EPHA6: variants seen among roughly 807,000 people sequenced by gnomAD.
EPHA6 encodes ephrin type-A receptor 6.
Under a neutral mutation model 112.0 loss-of-function variants are expected in EPHA6, and 50 were observed. That is an observed-to-expected ratio of 0.45 (90% CI 0.36 to 0.56). The LOEUF is 0.56. Ranked by LOEUF, EPHA6 falls within the 20% of genes least tolerant of loss-of-function variation. The pLI, the probability that EPHA6 is intolerant of heterozygous loss-of-function variation, is 0.00. For missense variants in EPHA6, 1,280 were observed against 1,417.4 expected (o/e 0.90, Z 1.56); for synonymous variants, 529 against 490.7 (o/e 1.08, Z -1.03).
chr3:97,254,931 G>A (rs1399051383), intron 5 of EPHA6, among the ~76,000 whole-genome samples: 1 of 152,148 alleles, frequency 6.6e-6, no homozygotes, highest in Non-Finnish European at 1.5e-5. Context: ...TTTGTAGACA[G>A]GAACACCATC....
chr3:97,569,916 G>A (rs1257140176), intron 11 of EPHA6: 1 of 152,096 alleles, frequency 6.6e-6, no homozygotes, highest in Non-Finnish European at 1.5e-5. Flanking sequence ...TTTTCTCTCT[G>A]TGTATAGGAT....
chr3:97,304,227 C>T (rs1209951160), intron 5 of EPHA6, among the ~76,000 whole-genome samples: 1 of 151,680 alleles, frequency 6.6e-6, no homozygotes, highest in Admixed American at 6.6e-5. Flanking sequence ...TATTTGAATA[C>T]CCTTTATCTC....
intron 3 of EPHA6, among the ~76,000 whole-genome samples, chr3:97,067,091 A>C (rs1467435915): frequency 6.6e-6 from 1 of 152,122 alleles, no homozygotes; most frequent in Non-Finnish European, 1.5e-5. Context: ...TTATTTTGTA[A>C]GCCTTTTCCC....
Position 97,708,839 on chromosome 3 carries a change from A to T in EPHA6, c.2785-11422A>T, listed in dbSNP as rs187962739. On this transcript the variant is annotated intron_variant, in intron 14 of 17. Coordinates refer to ENST00000389672, the MANE Select transcript of EPHA6 (RefSeq NM_001080448.3). ...AAGGTACAGCTCGGGCCATTGCTTC[A>T]GAGGGTGCAAGCGTCAGGCCTTGGT... is the stretch of plus-strand genomic sequence containing the variant. 5.3e-5 allele frequency among the ~76,000 whole-genome samples: 8 copies of T among 152,346 alleles called. No homozygotes were observed. The East Asian group carries it at 1.5e-3, about 29-fold the overall frequency.
At chr3:96,874,278 A>G (rs192374176) in intron 2 of EPHA6, among the ~76,000 whole-genome samples, 4 of 152,288 alleles carry the variant, frequency 2.6e-5, no homozygotes, top group South Asian at 2.1e-4. Context: ...AGGATGCTTA[A>G]TTATTCACAA....
chr3:97,094,011 G>GCTAAGTCATGGCCAGATGATCCT (rs2047158373), intron 3 of EPHA6, among the ~76,000 whole-genome samples: 1 of 152,038 alleles, frequency 6.6e-6, no homozygotes, highest in South Asian at 2.1e-4. Flanking sequence ...TCTGGGATTG[G>GCTAAGTCATGGCCAGATGATCCT]CTAAGTCATG....
chr3:97,746,978 A>C (rs562770301), intron 16 of EPHA6, among the ~76,000 whole-genome samples: 1 of 152,046 alleles, frequency 6.6e-6, no homozygotes, highest in East Asian at 1.9e-4. Context: ...AGAAAAGGAC[A>C]TGGATTCAGG....
intron 3 of EPHA6, among the ~76,000 whole-genome samples, chr3:97,162,673 A>G (rs185170044): frequency 5.9e-5 from 9 of 152,140 alleles, no homozygotes; most frequent in Admixed American, 5.9e-4. Context: ...AACAGTGTAA[A>G]TTTTTGGCAG....
At chr3:97,548,457 C>A (rs1577734749) in intron 11 of EPHA6, among the ~76,000 whole-genome samples, 1 of 152,218 alleles carries the variant, frequency 6.6e-6, no homozygotes. Context: ...TTAGGCTTTG[C>A]AAATATCCTA....
chr3:97,569,596 T>G (rs1414703289), intron 11 of EPHA6, among the ~76,000 whole-genome samples: 1 of 152,198 alleles, frequency 6.6e-6, no homozygotes, highest in African/African-American at 2.4e-5. Context: ...TATATTTATA[T>G]TATGAAAATT....
chr3:97,736,159 A>T (rs761874614), intron 16 of EPHA6, 41 bp downstream of exon 16: 4 of 1,540,742 alleles, frequency 2.6e-6, no homozygotes, highest in Non-Finnish European at 3.5e-6. Context: ...CTTGACAATT[A>T]TGGTTTCTTT....
At chr3:96,835,430 A>G (rs1256143573) in intron 1 of EPHA6, among the ~76,000 whole-genome samples, 3 of 152,048 alleles carry the variant, frequency 2.0e-5, no homozygotes, top group Non-Finnish European at 4.4e-5. Context: ...GGTGCTCATC[A>G]GATAATTAGT....
chr3:97,624,033 CA>C (rs150221639), intron 13 of EPHA6, among the ~76,000 whole-genome samples: 15 of 145,638 alleles, frequency 1.0e-4, no homozygotes, highest in South Asian at 4.3e-4. Context: ...GTGTTTCTGC[CA>C]AAAAAAAAAG....
At chr3:97,200,186 A>G (rs1290958357) in intron 3 of EPHA6, among the ~76,000 whole-genome samples, 1 of 152,098 alleles carries the variant, frequency 6.6e-6, no homozygotes, top group Non-Finnish European at 1.5e-5. Flanking sequence ...TATAAGAGAA[A>G]TAGTAAAAGT....
At chr3:97,040,996 A>T (rs974748641) in intron 3 of EPHA6, among the ~76,000 whole-genome samples, 1 of 152,008 alleles carries the variant, frequency 6.6e-6, no homozygotes, top group African/African-American at 2.4e-5. Flanking sequence ...CTTCCTCCCT[A>T]GGTACTTATT....
chr3:97,376,114 T>A (rs1344418298), intron 5 of EPHA6, among the ~76,000 whole-genome samples: 2 of 152,192 alleles, frequency 1.3e-5, no homozygotes, highest in African/African-American at 4.8e-5. Flanking sequence ...ATTATACTTA[T>A]ATTCCATAAA....
chr3:96,901,300 C>G (rs2038595731), intron 2 of EPHA6, among the ~76,000 whole-genome samples: 1 of 151,774 alleles, frequency 6.6e-6, no homozygotes, highest in African/African-American at 2.4e-5. Context: ...ATAAAATAAC[C>G]TGATTTTTGT....
At chr3:97,489,255 A>G (rs1328543230) in intron 10 of EPHA6, among the ~76,000 whole-genome samples, 2 of 152,274 alleles carry the variant, frequency 1.3e-5, no homozygotes, top group Admixed American at 6.5e-5. Context: ...GCAGAATTCA[A>G]CAGTCAATGC....
intron 11 of EPHA6, among the ~76,000 whole-genome samples, chr3:97,591,724 C>A (rs2093546389): frequency 6.6e-6 from 1 of 152,114 alleles, no homozygotes; most frequent in Non-Finnish European, 1.5e-5. Context: ...TGTTACTATT[C>A]CAAAGTGCAG....
Sources: gnomAD v4.1 joint callset for allele counts (sites outside exome capture counted in the v4.1 genomes callset) on GRCh38, gnomAD v4.1.1 for gene constraint, MANE v1.5 for transcripts, NCBI Gene and HGNC (gene_info 2026-07-23, HGNC 2026-07-21) for gene names.